ITGB6: variants seen among roughly 807,000 people sequenced by gnomAD.
The protein encoded by ITGB6 is integrin beta-6.
Under a neutral mutation model 84.5 loss-of-function variants are expected in ITGB6, and 80 were observed. The ratio of observed to expected loss-of-function variants is 0.95; its 90% CI spans 0.79 to 1.14. The LOEUF (loss-of-function observed/expected upper bound fraction) is 1.14. Ranked by LOEUF, ITGB6 falls within the 50% of genes most tolerant of loss-of-function variation. The probability of loss-of-function intolerance (pLI) is 0.00; values close to 1 mark genes in which losing one functional copy is unlikely to be tolerated. For missense variants in ITGB6, 1,006 were observed against 968.0 expected, an observed-to-expected ratio of 1.04 and a Z score of -0.52; for synonymous variants, 383 against 354.9, an observed-to-expected ratio of 1.08 and a Z score of -0.89.
At chr2:160,120,195 T>C (rs1051208882) in intron 12 of ITGB6, among the ~76,000 whole-genome samples, 7 of 152,004 alleles carry the variant, frequency 4.6e-5, no homozygotes, top group Admixed American at 3.3e-4. Flanking sequence ...AGAAACCATG[T>C]TGCTATAAAG....
At chr2:160,129,505 C>A (rs1683375440) in intron 10 of ITGB6, among the ~76,000 whole-genome samples, 1 of 151,868 alleles carries the variant, frequency 6.6e-6, no homozygotes, top group African/African-American at 2.4e-5. Flanking sequence ...TAGAACGGTA[C>A]CTGGCCCATA....
rs775754627 is a variant in ITGB6, at chr2:160,123,828, C to A, written c.1944G>T (p.Lys648Asn). The A allele has an allele frequency of 1.2e-6, 2 of 1,613,936 alleles. No homozygotes were observed. Residue 648 changes from lysine to asparagine, a missense_variant, in exon 12 of 15, where the codon AAG (lysine) becomes AAT (asparagine). Lys to Asn is a moderately conservative substitution (Grantham distance 94). Coordinates refer to ENST00000283249, the MANE Select transcript of ITGB6 (RefSeq NM_000888.5). ...AGQAREECVD[K>N]CKLAGATISE... ...TGATGGTCGCACCAGCTAGTTTGCACTTGTCCACACATTCTTCTCGGGCTT... is the reference window on the plus strand; with the variant it reads ...TGATGGTCGCACCAGCTAGTTTGCAATTGTCCACACATTCTTCTCGGGCTT...
intron 4 of ITGB6, among the ~76,000 whole-genome samples, chr2:160,186,374 A>G (rs1354373263): frequency 6.6e-6 from 1 of 152,222 alleles, no homozygotes; most frequent in Non-Finnish European, 1.5e-5. Flanking sequence ...AAAGCTCATC[A>G]TCACTGGTCA....
rs558425409 is a variant in ITGB6 at position 160,135,145 on chromosome 2, T to C, written c.1660+2289A>G. Among the ~76,000 whole-genome samples the C allele has an allele frequency of 6.0e-5, 9 of 149,892 alleles. No homozygotes were observed. In the East Asian group the frequency reaches 7.8e-4, roughly 13 times the overall value. On this transcript the variant is annotated intron_variant, in intron 10 of 14. Transcript: ENST00000283249. ...TGTTTGCAGATGACATGATTGTATA[T>C]CTAGAAAACCCCACTGTCTCAGCCC...
At chr2:160,138,599 T>A (rs1683866587) in intron 8 of ITGB6, among the ~76,000 whole-genome samples, 1 of 152,224 alleles carries the variant, frequency 6.6e-6, no homozygotes, top group South Asian at 2.1e-4. Context: ...TTTGCTTATA[T>A]CTCAGTAACA....
Position 160,194,816 on chromosome 2 carries a change from G to A in ITGB6, c.593+553C>T, listed in dbSNP as rs150730053. Among the ~76,000 whole-genome samples, 9 of 152,270 alleles carry A rather than the reference G, an allele frequency of 5.9e-5. No individual in the cohort carries two copies. In the East Asian group the frequency reaches 1.7e-3, roughly 29 times the overall value. ...GCTTATTATAGCATATGAGAATGGA[G>A]TCATTGCCTATGGAGTGATTTACTA... On this transcript the variant is annotated intron_variant, in intron 4 of 14. Transcript: ENST00000283249.
At chr2:160,192,386 A>G (rs930261499) in intron 4 of ITGB6, among the ~76,000 whole-genome samples, 7 of 152,190 alleles carry the variant, frequency 4.6e-5, no homozygotes, top group African/African-American at 1.4e-4. Context: ...ATTCTTGTGT[A>G]ACAAATAGTG....
At position 160,100,261 on chromosome 2, in the gene ITGB6, T is replaced by C. The variant is rs1471051589; in HGVS notation, c.*1475A>G. On this transcript the variant is annotated 3_prime_UTR_variant, in exon 15 of 15. Coordinates refer to ENST00000283249, the MANE Select transcript of ITGB6 (RefSeq NM_000888.5). Reference sequence around the variant, plus strand: ...ACGAAGCCTCCACTACATAATGAACTATTCACCTAGTAAAAGCTTCACATT... The same window carrying C: ...ACGAAGCCTCCACTACATAATGAACCATTCACCTAGTAAAAGCTTCACATT... 1 of 152,220 alleles carries C rather than the reference T, an allele frequency of 6.6e-6. No homozygotes were observed. The highest frequency in any genetic ancestry group is 1.5e-5 in the Non-Finnish European group (1 of 68,040). The allele number at this position is 152,220 out of a possible 1,614,324, so 9.4% of individuals were successfully genotyped here. A position where few individuals can be genotyped will look rare whatever the true frequency, so the allele number is the denominator to read the frequency against.
intron 12 of ITGB6, among the ~76,000 whole-genome samples, chr2:160,120,592 C>A (rs1682986254): frequency 1.8e-5 from 1 of 56,750 alleles, no homozygotes; most frequent in Non-Finnish European, 3.7e-5. Context: ...GGGTGCAGCG[C>A]ACCAGCATGG....
At chr2:160,112,031 CT>C (rs1682540678) in intron 13 of ITGB6, 48 bp downstream of exon 13, 2 of 1,583,182 alleles carry the variant, frequency 1.3e-6, no homozygotes, top group Non-Finnish European at 1.7e-6. Flanking sequence ...GCTTTCTCTT[CT>C]CCTGTGTAGT....
intron 4 of ITGB6, among the ~76,000 whole-genome samples, chr2:160,180,122 A>C (rs1185286079): frequency 2.7e-5 from 4 of 149,416 alleles, no homozygotes; most frequent in African/African-American, 7.5e-5. Flanking sequence ...TCAAAAAAAA[A>C]AAAAAACAAA....
intron 10 of ITGB6, among the ~76,000 whole-genome samples, chr2:160,136,538 A>T (rs950056210): frequency 5.9e-5 from 9 of 152,358 alleles, no homozygotes; most frequent in African/African-American, 2.2e-4. Flanking sequence ...TGACCCAGCC[A>T]TCCCATTACT....
intron 7 of ITGB6, among the ~76,000 whole-genome samples, chr2:160,149,228 C>T (rs143717172): frequency 0.025 from 3,819 of 152,108 alleles, 153 homozygotes; most frequent in African/African-American, 0.087. Context: ...AGGTGGCTGC[C>T]CCTCTGGGAC....
rs1189425088 is a variant in ITGB6 at position 160,107,735 on chromosome 2, C to A, written c.2212G>T (p.Asp738Tyr). The A allele has an allele frequency of 5.0e-6, 8 of 1,614,094 alleles. No homozygotes were observed. The highest frequency in any genetic ancestry group is 6.8e-6 in the Non-Finnish European group (8 of 1,179,968). Residue 738 changes from aspartate to tyrosine, a missense_variant, in exon 14 of 15, where the codon GAT (aspartate) becomes TAT (tyrosine). Physicochemically the swap from Asp to Tyr is radical, Grantham distance 160. Coordinates refer to ENST00000283249, the MANE Select transcript of ITGB6 (RefSeq NM_000888.5). ...CIWKLLVSFH[D>Y]RKEVAKFEAE... is the part of the protein sequence containing the mutation. ...TCAAATTTGGCAACTTCTTTACGAT[C>A]ATGAAATGACACCAGTAGCTTCCAG...
At chr2:160,181,919 T>C (rs1685694675) in intron 4 of ITGB6, among the ~76,000 whole-genome samples, 1 of 152,090 alleles carries the variant, frequency 6.6e-6, no homozygotes, top group African/African-American at 2.4e-5. Context: ...GAAGGAAAAC[T>C]AATGAACAGA....
At chr2:160,134,533 G>A (rs974438549) in intron 10 of ITGB6, among the ~76,000 whole-genome samples, 2 of 152,132 alleles carry the variant, frequency 1.3e-5, no homozygotes, top group Admixed American at 6.5e-5. Context: ...GAAAAAGGGG[G>A]AATCCTCCCT....
chr2:160,182,992 G>C (rs1194541183), intron 4 of ITGB6, among the ~76,000 whole-genome samples: 3 of 152,112 alleles, frequency 2.0e-5, no homozygotes, highest in African/African-American at 7.2e-5. Context: ...CCTGAAGGAA[G>C]CACTAAATAT....
At chr2:160,134,769 G>A (rs866575440) in intron 10 of ITGB6, among the ~76,000 whole-genome samples, 2 of 152,260 alleles carry the variant, frequency 1.3e-5, no homozygotes, top group South Asian at 2.1e-4. Context: ...ATCAATAAAC[G>A]TAATCTAGCA....
At chr2:160,173,858 AAT>A (rs1056845568) in intron 5 of ITGB6, 114 bp downstream of exon 5, 2 of 904,414 alleles carry the variant, frequency 2.2e-6, no homozygotes, top group African/African-American at 3.5e-5. Flanking sequence ...AAAAATATGA[AAT>A]ATAGAAATTT....
Sources: gnomAD v4.1 joint callset for allele counts (sites outside exome capture counted in the v4.1 genomes callset) on GRCh38, gnomAD v4.1.1 for gene constraint, MANE v1.5 for transcripts, NCBI Gene and HGNC (gene_info 2026-07-23, HGNC 2026-07-21) for gene names.